Variants in NOC3L observed in about 807,000 individuals in gnomAD.
NOC3L encodes the protein NOC3 like DNA replication regulator.
Under a neutral mutation model 102.5 loss-of-function variants are expected in NOC3L, and 85 were observed. The observed-to-expected ratio is 0.83, with a 90% CI of 0.70 to 0.99. The LOEUF is 0.99. Ranked by LOEUF, NOC3L falls within the 50% of genes least tolerant of loss-of-function variation. NOC3L has a pLI of 0.00. For missense variants in NOC3L, 878 were observed against 914.9 expected, an observed-to-expected ratio of 0.96 and a Z score of 0.52; for synonymous variants, 303 against 309.4, an observed-to-expected ratio of 0.98 and a Z score of 0.22.
At chr10:94,324,744 C>T in the NOC3L span, 24 of 957,224 alleles carry the variant, frequency 2.5e-5, no homozygotes, top group Middle Eastern at 2.3e-4. Context: ...GCCGAGCTTG[C>T]GGTTAAGCAG....
Position 94,334,735 on chromosome 10 carries a change from A to C in NOC3L, c.2190-17T>G. 1 of 1,561,326 alleles carries C rather than the reference A, an allele frequency of 6.4e-7. No individual in the cohort carries two copies. Among genetic ancestry groups the C allele is most frequent in the Non-Finnish European group, 8.8e-7 (1 of 1,135,800 alleles). On this transcript the variant is annotated splice_polypyrimidine_tract_variant and intron_variant, in intron 19 of 20. Coordinates refer to ENST00000371361, the MANE Select transcript of NOC3L (RefSeq NM_022451.11). ...GTAGCAGATCTAAATCACAAACACA[A>C]AAAATGTAAAGATACCACCACATCT... is the stretch of plus-strand genomic sequence containing the variant.
intron 19 of NOC3L, among the ~76,000 whole-genome samples, chr10:94,337,040 G>A (rs2054227187): frequency 6.7e-6 from 1 of 148,256 alleles, no homozygotes; most frequent in Non-Finnish European, 1.5e-5. Flanking sequence ...TTGCACTCCA[G>A]CCTGGACAAC....
chr10:94,328,772 T>A (rs929876477), downstream of NOC3L: 36 of 152,188 alleles, frequency 2.4e-4, no homozygotes, highest in Non-Finnish European at 1.8e-4. Flanking sequence ...ATAGAAATAA[T>A]ATTGGGTTTT....
intron 11 of NOC3L, among the ~76,000 whole-genome samples, chr10:94,346,157 T>C (rs999115273): frequency 6.6e-6 from 1 of 152,200 alleles, no homozygotes; most frequent in African/African-American, 2.4e-5. Context: ...ATCATAACTC[T>C]AAATTGATCT....
the NOC3L span, among the ~76,000 whole-genome samples, chr10:94,327,504 G>A: frequency 6.6e-6 from 1 of 152,206 alleles, no homozygotes; most frequent in East Asian, 1.9e-4. Context: ...GAACTTTGGA[G>A]GCAGCAGTCC....
At chr10:94,357,134 G>A (rs1163124964) in intron 4 of NOC3L, 40 bp downstream of exon 4, 2 of 1,392,276 alleles carry the variant, frequency 1.4e-6, no homozygotes, top group African/African-American at 1.5e-5. Context: ...TCAGTAAGGG[G>A]GTAAAAGTTC....
At chr10:94,324,835 G>GTGAC in the NOC3L span, 2 of 1,533,340 alleles carry the variant, frequency 1.3e-6, no homozygotes. Context: ...ATAGTGTCAT[G>GTGAC]TGACAGAGGA....
In NOC3L at chr10:94,352,310, C is replaced by A; in HGVS notation, c.952G>T (p.Asp318Tyr). ...YLENLEQMVK[D>Y]WKQRKLKKSN... ...AACTTTGAAGATATGTTTAATATAC[C>A]TTTAACCATTTGTTCCAGATTTTCC... The change falls in exon 8 of 21, where the codon GAT becomes TAT. Residue 318 changes from aspartate to tyrosine, a missense_variant and splice_region_variant. Asp to Tyr is a radical substitution (Grantham distance 160). Transcript: ENST00000371361. 2 of 1,586,124 alleles carry A rather than the reference C, an allele frequency of 1.3e-6. No homozygotes were observed. Among genetic ancestry groups the A allele is most frequent in the Non-Finnish European group, 1.7e-6 (2 of 1,155,640 alleles).
chr10:94,339,978 G>T, intron 16 of NOC3L, 58 bp from the exon 17 acceptor site: 1 of 1,435,900 alleles, frequency 7.0e-7, no homozygotes, highest in Non-Finnish European at 9.6e-7. Flanking sequence ...TTACGCAACT[G>T]GACTGAACTT....
At chr10:94,329,809 A>AGC (rs2054137831), downstream of NOC3L, 1 of 147,552 alleles carries the variant, frequency 6.8e-6, no homozygotes, top group African/African-American at 2.5e-5. Context: ...AAAAAAAAAA[A>AGC]AACACCATAC....
intron 2 of NOC3L, among the ~76,000 whole-genome samples, chr10:94,358,594 C>T (rs2054515395): frequency 1.3e-5 from 2 of 152,214 alleles, no homozygotes; most frequent in African/African-American, 4.8e-5. Flanking sequence ...AAACCAATGA[C>T]TTAGCCCCTC....
rs2054399417 is a variant in NOC3L at position 94,350,300 on chromosome 10, A to C, written c.953-12T>G. On this transcript the variant is annotated splice_polypyrimidine_tract_variant and intron_variant, in intron 8 of 20. Coordinates refer to ENST00000371361, the MANE Select transcript of NOC3L (RefSeq NM_022451.11). ...CCTCTGCTTCCAATCTAATCAAAAG[A>C]TAACTGTAGTTACTTTACTCATTGG... 1.2e-6 allele frequency: 2 copies of C among 1,611,386 alleles called. No individual in the cohort carries two copies. Among genetic ancestry groups the C allele is most frequent in the Admixed American group, 1.7e-5 (1 of 59,962 alleles).
chr10:94,361,447 A>G (rs2054550032), intron 2 of NOC3L: 2 of 520,450 alleles, frequency 3.8e-6, no homozygotes, highest in East Asian at 3.1e-5. Flanking sequence ...ACAAACTAAA[A>G]GCAGAAGCTT....
intron 10 of NOC3L, among the ~76,000 whole-genome samples, chr10:94,349,017 T>C (rs1093316): frequency 0.13 from 19,595 of 152,062 alleles, 1,552 homozygotes; most frequent in East Asian, 0.27. Flanking sequence ...GCCCATTTTT[T>C]ATTTTAAAAT....
At chr10:94,318,864 A>G in the NOC3L span, among the ~76,000 whole-genome samples, 1 of 152,224 alleles carries the variant, frequency 6.6e-6, no homozygotes, top group African/African-American at 2.4e-5. Flanking sequence ...CCTGGCCAAC[A>G]TGGCAAAACT....
chr10:94,346,639 T>C, intron 10 of NOC3L, 83 bp from the exon 11 acceptor site: 2 of 765,520 alleles, frequency 2.6e-6, no homozygotes, highest in South Asian at 6.2e-5. Context: ...CATTTAACAG[T>C]GTTATTTCCC....
At chr10:94,351,691 ATTT>A (rs72378230) in intron 8 of NOC3L, among the ~76,000 whole-genome samples, 4 of 139,962 alleles carry the variant, frequency 2.9e-5, no homozygotes, top group Admixed American at 7.2e-5. Flanking sequence ...ATCATGCCTA[ATTT>A]TTTTTTTTTT....
At chr10:94,342,512 A>C (rs2054297142) in intron 13 of NOC3L, among the ~76,000 whole-genome samples, 5 of 151,240 alleles carry the variant, frequency 3.3e-5, no homozygotes. Context: ...AAATGAGCAT[A>C]CCCTTTGATC....
intron 7 of NOC3L, 79 bp from the exon 8 acceptor site, chr10:94,352,482 T>C (rs2054431119): frequency 1.1e-6 from 1 of 888,418 alleles, no homozygotes. Context: ...TATGTGTGTC[T>C]AGTATACACC....
Sources: allele counts gnomAD v4.1 joint callset (sites outside exome capture counted in the v4.1 genomes callset), GRCh38; gene constraint gnomAD v4.1.1; transcripts MANE v1.5; gene names NCBI Gene and HGNC (gene_info 2026-07-23, HGNC 2026-07-21).